Variants in FYN observed in about 807,000 individuals in gnomAD.
The protein encoded by FYN is FYN proto-oncogene, Src family tyrosine kinase, also known as tyrosine-protein kinase Fyn.
In FYN, 10 loss-of-function variants were observed where a neutral mutation model predicts 70.2. That is an observed-to-expected ratio of 0.14 (90% CI 0.09 to 0.24). The LOEUF (loss-of-function observed/expected upper bound fraction) is 0.24, where lower values mean the gene tolerates loss of function less well. Among genes scored for constraint, FYN ranks in the 10% least tolerant of loss-of-function variants. The pLI is 1.00. For missense variants in FYN, 319 were observed against 673.1 expected (o/e 0.47, Z 5.82); for synonymous variants, 236 against 248.6 (o/e 0.95, Z 0.48).
chr6:111,845,104 T>C (rs1412429457), intron 2 of FYN, among the ~76,000 whole-genome samples: 2 of 152,256 alleles, frequency 1.3e-5, no homozygotes, highest in African/African-American at 2.4e-5. Context: ...CCCAGATGAA[T>C]GGACTTCCCC....
At chr6:111,669,499 A>T (rs1004858108) in intron 13 of FYN, among the ~76,000 whole-genome samples, 10 of 151,780 alleles carry the variant, frequency 6.6e-5, no homozygotes, top group Non-Finnish European at 2.9e-5. Context: ...CCAAATCCAC[A>T]AAACAGGTGT....
At chr6:111,669,920 A>G (rs1440510646) in intron 13 of FYN, among the ~76,000 whole-genome samples, 2 of 151,922 alleles carry the variant, frequency 1.3e-5, no homozygotes, top group Non-Finnish European at 2.9e-5. Flanking sequence ...CATGGAGGCA[A>G]GCAGAAGGAG....
chr6:111,829,763 A>G (rs747085672), intron 2 of FYN, among the ~76,000 whole-genome samples: 7 of 152,226 alleles, frequency 4.6e-5, no homozygotes, highest in Non-Finnish European at 1.0e-4. Flanking sequence ...TTCCAGCTCC[A>G]TTAAGTCTAT....
At chr6:111,830,081 C>G (rs73766762) in intron 2 of FYN, among the ~76,000 whole-genome samples, 3 of 152,124 alleles carry the variant, frequency 2.0e-5, no homozygotes, top group African/African-American at 7.2e-5. Context: ...TGGAGCCAGA[C>G]AGATGGTATG....
At chr6:111,709,966 T>C (rs1454533221) in intron 5 of FYN, among the ~76,000 whole-genome samples, 1 of 151,630 alleles carries the variant, frequency 6.6e-6, no homozygotes, top group Non-Finnish European at 1.5e-5. Flanking sequence ...TGGAAGTTTA[T>C]TTTTTTCTTT....
Position 111,661,677 on chromosome 6 carries a change from A to T in FYN, c.*62T>A, listed in dbSNP as rs1436616207. The T allele has an allele frequency of 6.7e-7, 1 of 1,484,628 alleles. No homozygotes were observed. Among genetic ancestry groups the T allele is most frequent in the African/African-American group, 1.4e-5 (1 of 71,672 alleles). 92.0% of individuals were successfully genotyped at this position (1,484,628 alleles called of 1,614,324 possible). A position where few individuals can be genotyped will look rare whatever the true frequency, so the allele number is the denominator to read the frequency against. ...TGGGGAGCAGCTGGCTACGGAATTG[A>T]AAGCTAATGGGGAGGGGTGGGGCAG... is the stretch of plus-strand genomic sequence containing the variant. On this transcript the variant is annotated 3_prime_UTR_variant, in exon 14 of 14. Coordinates refer to ENST00000354650, the MANE Select transcript of FYN (RefSeq NM_002037.5). This position sits in a 1 kb window ranked among gnomAD's most constrained non-coding sequence, Gnocchi z 4.0.
In FYN at chr6:111,688,745, A is replaced by C. The variant is rs373682672; in HGVS notation, c.1273+5630T>G. Among the ~76,000 whole-genome samples the C allele has an allele frequency of 1.2e-4, 18 of 152,226 alleles. 1 individual carries two copies. In the East Asian group the frequency reaches 2.1e-3, roughly 18 times the overall value. On this transcript the variant is annotated intron_variant, in intron 12 of 13. Coordinates refer to ENST00000354650, the MANE Select transcript of FYN (RefSeq NM_002037.5). ...CTGATATTCAGACTTCACAAGATTA[A>C]AAACAAGAGAGGCAGCGCAGAGGCA...
chr6:111,787,205 C>T (rs1051277948), intron 2 of FYN, among the ~76,000 whole-genome samples: 1 of 152,140 alleles, frequency 6.6e-6, no homozygotes, highest in Non-Finnish European at 1.5e-5. Context: ...TTAGATCTAA[C>T]ATGTAAGTCT....
intron 1 of FYN, among the ~76,000 whole-genome samples, chr6:111,857,709 T>A (rs1028956284): frequency 1.3e-5 from 2 of 152,134 alleles, no homozygotes; most frequent in Admixed American, 1.3e-4. Context: ...AAAAAAACAA[T>A]CTTACTCATT....
intron 12 of FYN, among the ~76,000 whole-genome samples, chr6:111,689,605 G>T (rs2128427481): frequency 6.6e-6 from 1 of 152,276 alleles, no homozygotes; most frequent in East Asian, 1.9e-4. Flanking sequence ...ACTCAGCCAT[G>T]AAAAGAACTA....
chr6:111,850,724 G>A (rs1340112992), intron 1 of FYN, among the ~76,000 whole-genome samples: 1 of 152,182 alleles, frequency 6.6e-6, no homozygotes, highest in African/African-American at 2.4e-5. Flanking sequence ...TGCAGCCCAG[G>A]AACAGGCCCA....
intron 3 of FYN, among the ~76,000 whole-genome samples, chr6:111,773,302 AG>A (rs1189347185): frequency 1.1e-5 from 1 of 91,396 alleles, no homozygotes; most frequent in Non-Finnish European, 2.1e-5. Flanking sequence ...AAAGAGAGGG[AG>A]GGAGGGAAAG....
chr6:111,816,828 C>T (rs1011694912), intron 2 of FYN, among the ~76,000 whole-genome samples: 3 of 152,218 alleles, frequency 2.0e-5, no homozygotes, highest in African/African-American at 4.8e-5. Flanking sequence ...TATTCAAAGA[C>T]ATGTTGCAGT....
Position 111,720,132 on chromosome 6 carries a change from C to T in FYN, c.-11-70G>A, listed in dbSNP as rs552334747. On this transcript the variant is annotated intron_variant, in intron 3 of 13. Transcript: ENST00000354650. ...AGTTGCTGGGTTGCTCTACAGTAAACGAGGAGTAATTGACAAGGCTCACTG... is the reference window on the plus strand; with the variant it reads ...AGTTGCTGGGTTGCTCTACAGTAAATGAGGAGTAATTGACAAGGCTCACTG... The T allele has an allele frequency of 1.5e-4, 222 of 1,502,848 alleles. 1 individual carries two copies. The African/African-American group carries it at 1.5e-3, about 10-fold the overall frequency. 93.1% of individuals were successfully genotyped at this position (1,502,848 alleles called of 1,614,324 possible). A position where few individuals can be genotyped will look rare whatever the true frequency, so the allele number is the denominator to read the frequency against.
At chr6:111,715,264 G>C (rs562895716) in intron 4 of FYN, among the ~76,000 whole-genome samples, 1 of 150,514 alleles carries the variant, frequency 6.6e-6, no homozygotes, top group Non-Finnish European at 1.5e-5. Flanking sequence ...TTTTCAAATA[G>C]AGACGGGGGT....
intron 2 of FYN, among the ~76,000 whole-genome samples, chr6:111,803,644 G>A (rs889350900): frequency 3.3e-5 from 5 of 151,920 alleles, no homozygotes; most frequent in African/African-American, 7.3e-5. Context: ...GGGGGTGTGG[G>A]GTAGGTGGGG....
At chr6:111,698,180 CAATGGTG>C (rs1799659043) in intron 9 of FYN, among the ~76,000 whole-genome samples, 1 of 93,056 alleles carries the variant, frequency 1.1e-5, no homozygotes, top group African/African-American at 1.8e-4. Context: ...GGCTGGAGTG[CAATGGTG>C]CAATGGTGCG....
chr6:111,843,122 G>A (rs1017409726), intron 2 of FYN, among the ~76,000 whole-genome samples: 43 of 152,272 alleles, frequency 2.8e-4, no homozygotes, highest in African/African-American at 9.9e-4. Context: ...AGGAATTCTC[G>A]GTCTCACTGA....
At chr6:111,666,558 A>G (rs1798018747) in intron 13 of FYN, among the ~76,000 whole-genome samples, 1 of 152,208 alleles carries the variant, frequency 6.6e-6, no homozygotes, top group Admixed American at 6.5e-5. Context: ...ACAACTGAAC[A>G]GTACTCAATC....
Sources: gnomAD v4.1 joint callset for allele counts (sites outside exome capture counted in the v4.1 genomes callset) on GRCh38, gnomAD v4.1.1 for gene constraint, Gnocchi (gnomAD v3.1) non-coding constraint, MANE v1.5 for transcripts, NCBI Gene and HGNC (gene_info 2026-07-23, HGNC 2026-07-21) for gene names.